The following ULK4 variants were observed in gnomAD, a reference collection of about 807,000 sequenced individuals.
ULK4 encodes unc-51 like kinase 4.
A neutral mutation model predicts 160.6 loss-of-function variants in ULK4; 133 were observed. The observed-to-expected ratio is 0.83, with a 90% CI of 0.72 to 0.96. The LOEUF is 0.96. Among genes scored for constraint, ULK4 ranks in the 40% least tolerant of loss-of-function variants. The pLI is 0.00. For missense variants in ULK4, 1,580 were observed against 1,499.5 expected, an observed-to-expected ratio of 1.05 and a Z score of -0.89; for synonymous variants, 534 against 539.8, an observed-to-expected ratio of 0.99 and a Z score of 0.15.
At chr3:41,275,063 C>T (rs892400964) in intron 35 of ULK4, among the ~76,000 whole-genome samples, 3 of 152,282 alleles carry the variant, frequency 2.0e-5, no homozygotes, top group Middle Eastern at 3.4e-3. Context: ...ACTGGGTTGT[C>T]CCACAATCCT....
intron 35 of ULK4, among the ~76,000 whole-genome samples, chr3:41,322,219 A>G (rs2080260342): frequency 7.0e-6 from 1 of 143,462 alleles, no homozygotes; most frequent in African/African-American, 2.7e-5. Flanking sequence ...TTTAGTAGAG[A>G]TGGGGTTTCA....
chr3:41,758,598 A>G (rs187846223), intron 21 of ULK4, among the ~76,000 whole-genome samples: 2 of 152,182 alleles, frequency 1.3e-5, no homozygotes, highest in Non-Finnish European at 2.9e-5. Flanking sequence ...TTGAAAAACA[A>G]TAAGTGGCCG....
At chr3:41,616,416 T>G (rs1294926963) in intron 30 of ULK4, among the ~76,000 whole-genome samples, 4 of 152,090 alleles carry the variant, frequency 2.6e-5, no homozygotes, top group African/African-American at 9.7e-5. Flanking sequence ...AGAAGGCAGG[T>G]ATTTCTGCAT....
At chr3:41,271,817 A>G (rs1243644890) in intron 35 of ULK4, among the ~76,000 whole-genome samples, 2 of 152,184 alleles carry the variant, frequency 1.3e-5, no homozygotes, top group African/African-American at 4.8e-5. Flanking sequence ...TAAGGCTACT[A>G]TGAACCCTCA....
intron 35 of ULK4, among the ~76,000 whole-genome samples, chr3:41,389,900 A>G (rs910161976): frequency 1.6e-4 from 25 of 152,036 alleles, no homozygotes; most frequent in African/African-American, 4.6e-4. Context: ...ATGAGTTAGG[A>G]AGGATTCCCT....
Position 41,911,357 on chromosome 3 carries a change from T to C in ULK4, c.1045A>G (p.Thr349Ala). Residue 349 changes from threonine to alanine, a missense_variant, in exon 11 of 37, where the codon ACT (threonine) becomes GCT (alanine). Transcript: ENST00000301831. ...GATTCATTCAATTGACCCTCAAGAG[T>C]ACTCTTAGGCCGAAACTCAGTTGGA... is the stretch of plus-strand genomic sequence containing the variant. ...ENPTEFRPKS[T>A]LEGQLNESMF... 2 of 1,614,104 alleles carry C rather than the reference T, an allele frequency of 1.2e-6. No individual in the cohort carries two copies. Among genetic ancestry groups the C allele is most frequent in the Non-Finnish European group, 1.7e-6 (2 of 1,180,004 alleles).
intron 32 of ULK4, among the ~76,000 whole-genome samples, chr3:41,556,808 A>G (rs1025022787): frequency 6.6e-6 from 1 of 152,008 alleles, no homozygotes; most frequent in African/African-American, 2.4e-5. Flanking sequence ...GGAGTAGATA[A>G]TTCCAATGAT....
intron 22 of ULK4, among the ~76,000 whole-genome samples, chr3:41,730,066 A>T (rs1002793721): frequency 1.3e-5 from 2 of 152,210 alleles, no homozygotes; most frequent in Non-Finnish European, 2.9e-5. Flanking sequence ...GTCAAGGAAA[A>T]ATTTTTTTAA....
At chr3:41,372,086 G>T (rs1461608624) in intron 35 of ULK4, among the ~76,000 whole-genome samples, 1 of 151,802 alleles carries the variant, frequency 6.6e-6, no homozygotes, top group African/African-American at 2.4e-5. Flanking sequence ...GTGAAGACAA[G>T]ATTAGAGAAA....
intron 35 of ULK4, among the ~76,000 whole-genome samples, chr3:41,302,227 A>G (rs1216749179): frequency 6.6e-6 from 1 of 152,246 alleles, no homozygotes; most frequent in Non-Finnish European, 1.5e-5. Context: ...TCATTTTTAA[A>G]AATTACAACA....
chr3:41,704,632 G>A (rs2036803326), intron 27 of ULK4, among the ~76,000 whole-genome samples: 1 of 152,096 alleles, frequency 6.6e-6, no homozygotes, highest in South Asian at 2.1e-4. Context: ...CATAACTGAA[G>A]GGAGACGGAG....
In ULK4 at chr3:41,915,545, T is replaced by C. The variant is rs539176735; in HGVS notation, c.803+432A>G. 3.1e-5 allele frequency: 5 copies of C among 159,740 alleles called. No homozygotes were observed. The South Asian group carries it at 7.6e-4, about 24-fold the overall frequency. The allele number at this position is 159,740 out of a possible 1,614,324, so 9.9% of individuals were successfully genotyped here. A position where few individuals can be genotyped will look rare whatever the true frequency, so the allele number is the denominator to read the frequency against. ...ATTATCCTATCACTTAATAGCCCCA[T>C]TATGACAGGAGTGTCATAAAACCTG... is the stretch of plus-strand genomic sequence containing the variant. On this transcript the variant is annotated intron_variant, in intron 8 of 36. Transcript: ENST00000301831.
At chr3:41,373,697 A>C (rs1048324202) in intron 35 of ULK4, among the ~76,000 whole-genome samples, 4 of 152,234 alleles carry the variant, frequency 2.6e-5, no homozygotes, top group Non-Finnish European at 1.5e-5. Flanking sequence ...AAGATCTAAA[A>C]TTGACAACCT....
chr3:41,801,353 A>C (rs1247195106), intron 19 of ULK4, among the ~76,000 whole-genome samples: 1 of 152,146 alleles, frequency 6.6e-6, no homozygotes, highest in Admixed American at 6.5e-5. Context: ...AGCATCAGTG[A>C]ACTGTAGGAC....
intron 35 of ULK4, among the ~76,000 whole-genome samples, chr3:41,327,471 C>T (rs891701486): frequency 2.6e-5 from 4 of 152,188 alleles, no homozygotes; most frequent in Non-Finnish European, 1.5e-5. Context: ...TACCCACCTT[C>T]TCTGTAGTTT....
chr3:41,699,060 C>A (rs1372927090), intron 27 of ULK4, among the ~76,000 whole-genome samples: 2 of 151,984 alleles, frequency 1.3e-5, no homozygotes, highest in African/African-American at 4.8e-5. Context: ...GGATGGTTTC[C>A]AGTTTGGAGC....
chr3:41,945,434 G>C (rs887578282), intron 2 of ULK4, among the ~76,000 whole-genome samples: 1 of 152,128 alleles, frequency 6.6e-6, no homozygotes, highest in Non-Finnish European at 1.5e-5. Context: ...GCCAGAATGG[G>C]TGATAAGCAA....
chr3:41,289,534 G>C (rs1575399187), intron 35 of ULK4, among the ~76,000 whole-genome samples: 2 of 152,164 alleles, frequency 1.3e-5, no homozygotes, highest in African/African-American at 4.8e-5. Flanking sequence ...AAAAATATTT[G>C]ATGTTGACAA....
At chr3:41,256,974 C>T (rs979981537) in intron 35 of ULK4, among the ~76,000 whole-genome samples, 2 of 152,114 alleles carry the variant, frequency 1.3e-5, no homozygotes, top group African/African-American at 2.4e-5. Context: ...CTTGCTTGGC[C>T]TCTTGGTTCT....
Sources: allele counts gnomAD v4.1 joint callset (sites outside exome capture counted in the v4.1 genomes callset), GRCh38; gene constraint gnomAD v4.1.1; transcripts MANE v1.5; gene names NCBI Gene and HGNC (gene_info 2026-07-23, HGNC 2026-07-21).